RNGTT: variants seen among roughly 807,000 people sequenced by gnomAD.
The protein encoded by RNGTT is RNA guanylyltransferase and 5'-phosphatase, also known as mRNA-capping enzyme.
Under a neutral mutation model 79.3 loss-of-function variants are expected in RNGTT, and 33 were observed. The ratio of observed to expected loss-of-function variants is 0.42; its 90% CI spans 0.32 to 0.56. RNGTT has a LOEUF of 0.56. Ranked by LOEUF, RNGTT falls within the 20% of genes least tolerant of loss-of-function variation. RNGTT has a pLI of 0.17. For missense variants in RNGTT, 497 were observed against 739.1 expected (o/e 0.67, Z 3.80); for synonymous variants, 222 against 235.9 (o/e 0.94, Z 0.54).
chr6:88,730,217 A>G (rs1278819818), intron 13 of RNGTT, among the ~76,000 whole-genome samples: 1 of 152,178 alleles, frequency 6.6e-6, no homozygotes, highest in East Asian at 1.9e-4. Context: ...TTTTAAACTT[A>G]ACTTCCTCAA....
intron 13 of RNGTT, among the ~76,000 whole-genome samples, chr6:88,731,975 A>ACT (rs1320548252): frequency 6.6e-6 from 1 of 152,194 alleles, no homozygotes; most frequent in Non-Finnish European, 1.5e-5. Context: ...ATATATATTT[A>ACT]CTATTCACTA....
intron 13 of RNGTT, among the ~76,000 whole-genome samples, chr6:88,725,620 C>A (rs1489897289): frequency 6.6e-6 from 1 of 151,610 alleles, no homozygotes; most frequent in African/African-American, 2.4e-5. Context: ...CCATGGGGGG[C>A]GGGGTGTTGA....
At chr6:88,878,375 G>A (rs1475341520) in intron 8 of RNGTT, among the ~76,000 whole-genome samples, 1 of 152,026 alleles carries the variant, frequency 6.6e-6, no homozygotes, top group Non-Finnish European at 1.5e-5. Context: ...GGGATTATAG[G>A]CATGAGCCAC....
At chr6:88,816,712 A>G (rs996471111) in intron 11 of RNGTT, among the ~76,000 whole-genome samples, 1 of 152,234 alleles carries the variant, frequency 6.6e-6, no homozygotes, top group African/African-American at 2.4e-5. Flanking sequence ...TAACATTCAA[A>G]AAAACCTTTG....
At chr6:88,901,535 C>A (rs1783465287) in intron 6 of RNGTT, among the ~76,000 whole-genome samples, 1 of 85,030 alleles carries the variant, frequency 1.2e-5, no homozygotes, top group Non-Finnish European at 2.2e-5. Flanking sequence ...GAGATGGAGT[C>A]TCACTCTGTC....
chr6:88,914,401 C>T (rs1225702041), intron 4 of RNGTT, among the ~76,000 whole-genome samples: 1 of 152,056 alleles, frequency 6.6e-6, no homozygotes, highest in African/African-American at 2.4e-5. Flanking sequence ...AATAAGGCTA[C>T]AGTAACCAAA....
intron 14 of RNGTT, among the ~76,000 whole-genome samples, chr6:88,617,467 C>T (rs553079423): frequency 4.6e-5 from 7 of 152,290 alleles, no homozygotes; most frequent in East Asian, 1.9e-4. Context: ...GTAGTATTGG[C>T]GCCCTTGTGG....
At chr6:88,922,312 T>C (rs906687188) in intron 4 of RNGTT, among the ~76,000 whole-genome samples, 1 of 152,118 alleles carries the variant, frequency 6.6e-6, no homozygotes, top group Admixed American at 6.5e-5. Context: ...TGTATAAAGA[T>C]CAAATCAGAG....
chr6:88,919,789 T>C (rs1034473378), intron 4 of RNGTT, among the ~76,000 whole-genome samples: 1 of 138,812 alleles, frequency 7.2e-6, no homozygotes, highest in Non-Finnish European at 1.5e-5. Context: ...CAATCTCGGC[T>C]CACTACAACC....
chr6:88,646,153 AAAAC>A (rs1269810088), intron 14 of RNGTT, among the ~76,000 whole-genome samples: 16 of 152,336 alleles, frequency 1.1e-4, no homozygotes, highest in Admixed American at 4.6e-4. Flanking sequence ...TTACAAGAAA[AAAAC>A]AAACAACCCC....
intron 1 of RNGTT, among the ~76,000 whole-genome samples, chr6:88,962,007 G>A (rs1447284905): frequency 2.0e-5 from 3 of 152,124 alleles, no homozygotes; most frequent in African/African-American, 4.8e-5. Flanking sequence ...GCATAATCTG[G>A]ATGAGTATCA....
chr6:88,945,957 T>C (rs763766231), intron 1 of RNGTT, among the ~76,000 whole-genome samples: 9 of 152,248 alleles, frequency 5.9e-5, no homozygotes, highest in Non-Finnish European at 8.8e-5. Context: ...GAAAGTTGCC[T>C]GATACAACAC....
intron 1 of RNGTT, among the ~76,000 whole-genome samples, chr6:88,945,473 T>C (rs1784977969): frequency 6.6e-6 from 1 of 152,210 alleles, no homozygotes; most frequent in Non-Finnish European, 1.5e-5. Flanking sequence ...TCTTGTTAGT[T>C]TCAATCACCC....
chr6:88,831,421 G>T (rs1340548163), intron 11 of RNGTT, among the ~76,000 whole-genome samples: 1 of 152,086 alleles, frequency 6.6e-6, no homozygotes, highest in East Asian at 1.9e-4. Flanking sequence ...AATAGACTAG[G>T]TACTGATGGA....
At chr6:88,666,027 A>AAGGCAGTTGAGAGAATTATT in intron 14 of RNGTT, among the ~76,000 whole-genome samples, 1 of 152,288 alleles carries the variant, frequency 6.6e-6, no homozygotes, top group Middle Eastern at 3.4e-3. Context: ...CTAAGACCAG[A>AAGGCAGTTGAGAGAATTATT]AGGCAGTTGA....
rs148447957 is a variant in RNGTT at position 88,776,368 on chromosome 6, G to A, written c.1339-6494C>T. Among the ~76,000 whole-genome samples the A allele has an allele frequency of 5.0e-3, 741 of 149,488 alleles. 5 individuals carry two copies. The highest frequency in any genetic ancestry group is 0.017 in the African/African-American group (684 of 40,534). ...GAGTTTCCCTCTCGTTGCCCAGGCT[G>A]GAGTGCAGTGGCGCAATCTCAGCTC... On this transcript the variant is annotated intron_variant, in intron 12 of 15. Coordinates refer to ENST00000369485, the MANE Select transcript of RNGTT (RefSeq NM_003800.5).
At chr6:88,718,393 A>AT (rs1271759162) in intron 13 of RNGTT, among the ~76,000 whole-genome samples, 1 of 151,968 alleles carries the variant, frequency 6.6e-6, no homozygotes, top group African/African-American at 2.4e-5. Context: ...TCTCAAAAAA[A>AT]AAAAAAAAGA....
intron 6 of RNGTT, among the ~76,000 whole-genome samples, chr6:88,904,329 T>C (rs1783574576): frequency 6.6e-6 from 1 of 152,138 alleles, no homozygotes. Flanking sequence ...TCCCAACACT[T>C]TGGGATGCCA....
chr6:88,793,163 T>C (rs1340718555), intron 12 of RNGTT, among the ~76,000 whole-genome samples: 4 of 152,146 alleles, frequency 2.6e-5, no homozygotes, highest in African/African-American at 7.2e-5. Context: ...GTTGGTAACA[T>C]GTGCTTTTAA....
Sources: gnomAD v4.1 joint callset for allele counts (sites outside exome capture counted in the v4.1 genomes callset) on GRCh38, gnomAD v4.1.1 for gene constraint, MANE v1.5 for transcripts, NCBI Gene and HGNC (gene_info 2026-07-23, HGNC 2026-07-21) for gene names.